NFU1: variants seen among roughly 807,000 people sequenced by gnomAD.
NFU1 encodes the protein NFU1 iron-sulfur cluster scaffold homolog, mitochondrial.
A neutral mutation model predicts 32.2 loss-of-function variants in NFU1; 30 were observed. The observed-to-expected ratio is 0.93, with a 90% CI of 0.70 to 1.26. The LOEUF (loss-of-function observed/expected upper bound fraction) is 1.26. NFU1 is among the 50% of genes most tolerant of loss of function. The pLI is 0.00. For synonymous variants in NFU1, 112 were observed against 104.6 expected (o/e 1.07, Z -0.43); for missense variants, 306 against 306.6 (o/e 1.00, Z 0.02).
chr2:69,408,586 G>C (rs1224725232), intron 5 of NFU1, among the ~76,000 whole-genome samples: 1 of 151,778 alleles, frequency 6.6e-6, no homozygotes, highest in Non-Finnish European at 1.5e-5. Flanking sequence ...CGGGAGTGGT[G>C]GTGGGTGTCT....
chr2:69,404,318 C>T (rs1232501750), intron 6 of NFU1, among the ~76,000 whole-genome samples: 1 of 150,606 alleles, frequency 6.6e-6, no homozygotes, highest in Non-Finnish European at 1.5e-5. Context: ...ACGGTGAAAC[C>T]CTGTCTCTAC....
Position 69,411,973 on chromosome 2 carries a change from T to A in NFU1, c.484+3212A>T, listed in dbSNP as rs377448697. The stretch of plus-strand genomic sequence containing the variant: ...GTGGCGGTGGTTCATGCTTATAATC[T>A]CAGTACTTTGCGATGCTGAGGCAGG... On this transcript the variant is annotated intron_variant, in intron 5 of 7. Coordinates refer to ENST00000410022, the MANE Select transcript of NFU1 (RefSeq NM_001002755.4). Among the ~76,000 whole-genome samples, 46 of 152,198 alleles carry A rather than the reference T, an allele frequency of 3.0e-4. No homozygotes were observed. In the East Asian group the frequency reaches 4.4e-3, roughly 15 times the overall value.
Position 69,413,228 on chromosome 2 carries a change from T to C in NFU1, c.484+1957A>G, listed in dbSNP as rs1159337589. 2.7e-5 allele frequency among the ~76,000 whole-genome samples: 4 copies of C among 149,108 alleles called. No individual in the cohort carries two copies. In the South Asian group the frequency reaches 8.4e-4, roughly 31 times the overall value. On this transcript the variant is annotated intron_variant, in intron 5 of 7. Coordinates refer to ENST00000410022, the MANE Select transcript of NFU1 (RefSeq NM_001002755.4). ...TGAACCCAGGAGGTGGAGGTTGTGG[T>C]GAGCTGAGATCGCGCCATTGCACTC...
downstream of NFU1, chr2:69,396,070 G>A (rs537218571): frequency 2.1e-5 from 12 of 559,178 alleles, no homozygotes; most frequent in Non-Finnish European, 3.4e-5. Context: ...TACAGAAGAT[G>A]ATTCAAGAGG....
intron 2 of NFU1, among the ~76,000 whole-genome samples, chr2:69,426,850 C>T (rs1226015304): frequency 1.3e-5 from 2 of 150,234 alleles, no homozygotes; most frequent in African/African-American, 2.4e-5. Context: ...GGGCGGATCA[C>T]GAGGTCAGGA....
intron 4 of NFU1, among the ~76,000 whole-genome samples, chr2:69,415,947 C>T (rs1673035735): frequency 6.6e-6 from 1 of 151,178 alleles, no homozygotes; most frequent in African/African-American, 2.4e-5. Context: ...GGCAACATAG[C>T]GAGACTTCGT....
intron 1 of NFU1, 70 bp downstream of exon 1, chr2:69,437,291 C>G: frequency 6.5e-7 from 1 of 1,549,056 alleles, no homozygotes; most frequent in East Asian, 2.4e-5. Context: ...AGAGGGTCTG[C>G]AAGGCGGCGA....
chr2:69,405,876 A>G lies in NFU1; in HGVS notation c.545+146T>C, dbSNP rs948043680. The G allele has an allele frequency of 1.1e-5, 7 of 618,274 alleles. No individual in the cohort carries two copies. The African/African-American group carries it at 1.3e-4, about 11-fold the overall frequency. The allele number at this position is 618,274 out of a possible 1,614,324, so 38.3% of individuals were successfully genotyped here. On this transcript the variant is annotated intron_variant, in intron 6 of 7. Coordinates refer to ENST00000410022, the MANE Select transcript of NFU1 (RefSeq NM_001002755.4). ...TAGAGAAGATACAGGCTTTAAATTC[A>G]ATTGTCACGGCTACCTGTTGTGGTT... is the stretch of plus-strand genomic sequence containing the variant.
chr2:69,428,904 G>C (rs923812474), intron 2 of NFU1, among the ~76,000 whole-genome samples: 3 of 152,174 alleles, frequency 2.0e-5, no homozygotes, highest in Non-Finnish European at 2.9e-5. Flanking sequence ...ACTTTGCCAT[G>C]CAGTTCCAGC....
At chr2:69,408,386 G>T (rs968171777) in intron 5 of NFU1, among the ~76,000 whole-genome samples, 32 of 152,046 alleles carry the variant, frequency 2.1e-4, no homozygotes, top group African/African-American at 7.5e-4. Context: ...ACAGTTTGCT[G>T]CTATTTCTAA....
intron 1 of NFU1, among the ~76,000 whole-genome samples, chr2:69,435,251 T>G (rs553661834): frequency 6.6e-6 from 1 of 152,204 alleles, no homozygotes; most frequent in Non-Finnish European, 1.5e-5. Flanking sequence ...AGCCCGGGAA[T>G]GGGCAGTCTA....
At chr2:69,426,711 C>T (rs994672777) in intron 2 of NFU1, among the ~76,000 whole-genome samples, 1 of 152,092 alleles carries the variant, frequency 6.6e-6, no homozygotes, top group Non-Finnish European at 1.5e-5. Flanking sequence ...GCTTGCAGGA[C>T]GAAAGGACGG....
At chr2:69,403,891 T>G (rs1264571045) in intron 6 of NFU1, among the ~76,000 whole-genome samples, 1 of 151,184 alleles carries the variant, frequency 6.6e-6, no homozygotes, top group East Asian at 2.0e-4. Context: ...CAGGCTGGAG[T>G]GCAGTGGTGC....
intron 7 of NFU1, among the ~76,000 whole-genome samples, chr2:69,397,618 T>A (rs58721269): frequency 0.56 from 85,042 of 150,790 alleles, 25,089 homozygotes; most frequent in African/African-American, 0.74. Context: ...TTTTTTTTTT[T>A]AAAAAAAATC....
chr2:69,426,755 CAG>C (rs1310559308), intron 2 of NFU1, among the ~76,000 whole-genome samples: 1 of 151,966 alleles, frequency 6.6e-6, no homozygotes, highest in Non-Finnish European at 1.5e-5. Context: ...AACTATTAAA[CAG>C]ATCTGATTAT....
downstream of NFU1, chr2:69,396,121 T>C (rs1672322211): frequency 1.3e-6 from 1 of 782,892 alleles, no homozygotes; most frequent in African/African-American, 1.8e-5. Context: ...CATGCAATAT[T>C]TATATATCAT....
intron 3 of NFU1, among the ~76,000 whole-genome samples, chr2:69,423,228 T>TG (rs919091164): frequency 1.6e-4 from 12 of 75,460 alleles, no homozygotes; most frequent in Non-Finnish European, 2.6e-4. Flanking sequence ...CGGGTAGAGA[T>TG]GGGCTCTCTG....
intron 2 of NFU1, chr2:69,430,015 T>A (rs1673587988): frequency 3.0e-6 from 1 of 328,342 alleles, no homozygotes; most frequent in Admixed American, 4.0e-5. Flanking sequence ...GGCAACATAG[T>A]GAGACCCTGC....
At chr2:69,424,344 A>T (rs141018189) in intron 2 of NFU1, among the ~76,000 whole-genome samples, 4,173 of 151,262 alleles carry the variant, frequency 0.028, 193 homozygotes, top group East Asian at 0.18. Flanking sequence ...GCTGGAGTGC[A>T]GTGGCACAAT....
Sources: gnomAD v4.1 joint callset for allele counts (sites outside exome capture counted in the v4.1 genomes callset) on GRCh38, gnomAD v4.1.1 for gene constraint, MANE v1.5 for transcripts, NCBI Gene and HGNC (gene_info 2026-07-23, HGNC 2026-07-21) for gene names.